The following ZNF285 variants were observed in gnomAD, a reference collection of about 807,000 sequenced individuals.
ZNF285 encodes the protein zinc finger protein 285, also known as zinc finger protein 285A.
Under a neutral mutation model 6.2 loss-of-function variants are expected in ZNF285, and 4 were observed. The observed-to-expected ratio is 0.65, with a 90% CI of 0.32 to 1.49. The LOEUF is 1.49. Ranked by LOEUF, ZNF285 falls within the 40% of genes most tolerant of loss-of-function variation. The pLI is 0.07. For missense variants in ZNF285, 695 were observed against 708.8 expected, an observed-to-expected ratio of 0.98 and a Z score of 0.22; for synonymous variants, 240 against 245.8, an observed-to-expected ratio of 0.98 and a Z score of 0.22.
chr19:44,386,686 C>G lies in ZNF285; in HGVS notation c.1559G>C (p.Gly520Ala). The G allele has an allele frequency of 6.2e-7, 1 of 1,614,064 alleles. No individual in the cohort carries two copies. The change falls in exon 4 of 4, where the codon GGC becomes GCC. Residue 520 changes from glycine to alanine, a missense_variant. Gly to Ala is a moderately conservative substitution (Grantham distance 60). Coordinates refer to ENST00000614994, the MANE Select transcript of ZNF285 (RefSeq NM_152354.6). Reference sequence around the variant, plus strand: ...ATTAAGATCTGAATTCCGGCTGAAGCCTTTACCACACTCATCACATTTATA... The same window carrying G: ...ATTAAGATCTGAATTCCGGCTGAAGGCTTTACCACACTCATCACATTTATA... ...KPYKCDECGK[G>A]FSRNSDLNVH...
chr19:44,387,348 C>G lies in ZNF285; in HGVS notation c.897G>C (p.Gln299His). 6.2e-7 allele frequency: 1 copy of G among 1,614,170 alleles called. No homozygotes were observed. The highest frequency in any genetic ancestry group is 1.1e-5 in the South Asian group (1 of 91,082). Reference protein sequence around the residue: ...EFHEWPMGCKQSSDLPRYQKV... With the variant: ...EFHEWPMGCKHSSDLPRYQKV... Reference sequence around the variant, plus strand: ...TCTGATATCTGGGAAGGTCTGAGCTCTGTTTGCAGCCCATAGGCCATTCGT... The same window carrying G: ...TCTGATATCTGGGAAGGTCTGAGCTGTGTTTGCAGCCCATAGGCCATTCGT... The change falls in exon 4 of 4, where the codon CAG becomes CAC. Residue 299 changes from glutamine (Q) to histidine (H), a missense_variant. By Grantham distance (24) the Gln-to-His change is conservative (BLOSUM62 0). Transcript: ENST00000614994.
At position 44,383,747 on chromosome 19, in the gene ZNF285, T is replaced by C. The variant is rs1357564119; in HGVS notation, c.*2725A>G. ...TTACGCTTTTATCAAATCATTGGAT[T>C]TGACATGCTCATATTTATTTAGGAT... On this transcript the variant is annotated 3_prime_UTR_variant, in exon 4 of 4. Transcript: ENST00000614994. The C allele has an allele frequency of 1.3e-5, 2 of 152,202 alleles. No homozygotes were observed. The highest frequency in any genetic ancestry group is 2.4e-5 in the African/African-American group (1 of 41,440). 9.4% of individuals were successfully genotyped at this position (152,202 alleles called of 1,614,324 possible).
chr19:44,385,543 T>C lies in ZNF285; in HGVS notation c.*929A>G, dbSNP rs1345256572. On this transcript the variant is annotated 3_prime_UTR_variant, in exon 4 of 4. Coordinates refer to ENST00000614994, the MANE Select transcript of ZNF285 (RefSeq NM_152354.6). ...CTCTGAATTATGTTACTTCTGTATG[T>C]GGACTCCAATGACAATGAAACATAT... 6.6e-6 allele frequency: 1 copy of C among 152,226 alleles called. No homozygotes were observed. Among genetic ancestry groups the C allele is most frequent in the Non-Finnish European group, 1.5e-5 (1 of 68,040 alleles). The allele number at this position is 152,226 out of a possible 1,614,324, so 9.4% of individuals were successfully genotyped here.
intron 1 of ZNF285, among the ~76,000 whole-genome samples, chr19:44,401,153 C>G (rs776495653): frequency 6.6e-6 from 1 of 152,086 alleles, no homozygotes; most frequent in Non-Finnish European, 1.5e-5. Flanking sequence ...GCTGCTTAAG[C>G]AAATCCCTCA....
At chr19:44,399,370 G>A (rs1405445427) in intron 1 of ZNF285, among the ~76,000 whole-genome samples, 1 of 132,716 alleles carries the variant, frequency 7.5e-6, no homozygotes, top group African/African-American at 3.5e-5. Context: ...CCTTTCCCCT[G>A]TCAAAAAACT....
intron 2 of ZNF285, among the ~76,000 whole-genome samples, chr19:44,395,198 C>T (rs949387420): frequency 6.6e-6 from 1 of 152,090 alleles, no homozygotes; most frequent in African/African-American, 2.4e-5. Context: ...ATGCAAAAAT[C>T]TTTAAATCTT....
At position 44,399,514 on chromosome 19, in the gene ZNF285, G is replaced by A. The variant is rs994539284; in HGVS notation, c.-44+2054C>T. ...ACAAATGCACAAATAGAATTGGCTT[G>A]GATATTATACATTAGATGCACGTGC... On this transcript the variant is annotated intron_variant, in intron 1 of 3. Transcript: ENST00000614994. Among the ~76,000 whole-genome samples, 351 of 150,056 alleles carry A rather than the reference G, an allele frequency of 2.3e-3. 4 individuals carry two copies. The highest frequency in any genetic ancestry group is 8.6e-3 in the African/African-American group (342 of 39,922).
intron 1 of ZNF285, among the ~76,000 whole-genome samples, chr19:44,401,267 G>A (rs1367233298): frequency 6.6e-6 from 1 of 152,064 alleles, no homozygotes; most frequent in Non-Finnish European, 1.5e-5. Context: ...CCTAAGCTTC[G>A]ACCCGAGGAG....
At chr19:44,397,651 G>C (rs147764727) in intron 1 of ZNF285, among the ~76,000 whole-genome samples, 92 of 152,218 alleles carry the variant, frequency 6.0e-4, no homozygotes, top group African/African-American at 2.1e-3. Flanking sequence ...TTGGGAACCC[G>C]AGACGGGTGG....
At position 44,383,682 on chromosome 19, in the gene ZNF285, G is replaced by C. The variant is rs1490710739; in HGVS notation, c.*2790C>G. On this transcript the variant is annotated 3_prime_UTR_variant, in exon 4 of 4. Transcript: ENST00000614994. ...TTGTGTGTGTTATGAGGCAGAAGCT[G>C]ATAAGCATATTTAGGATAAATTATA... is the stretch of plus-strand genomic sequence containing the variant. The C allele has an allele frequency of 3.9e-5, 6 of 152,142 alleles. No individual in the cohort carries two copies. The highest frequency in any genetic ancestry group is 7.4e-5 in the Non-Finnish European group (5 of 68,016). 9.4% of individuals were successfully genotyped at this position (152,142 alleles called of 1,614,324 possible).
At chr19:44,401,214 C>T (rs112351719) in intron 1 of ZNF285, among the ~76,000 whole-genome samples, 6 of 152,130 alleles carry the variant, frequency 3.9e-5, no homozygotes, top group Admixed American at 2.6e-4. Flanking sequence ...CCTGAGCCAG[C>T]GCCCCTCTGC....
chr19:44,396,564 G>T (rs2571135), intron 2 of ZNF285: 16,616 of 152,398 alleles, frequency 0.11, 1,588 homozygotes, highest in East Asian at 0.42. Flanking sequence ...GGTCTTATGA[G>T]CAGAGCTGAG....
At position 44,388,117 on chromosome 19, in the gene ZNF285, A is replaced by G; in HGVS notation, c.143-15T>C. 6.2e-7 allele frequency: 1 copy of G among 1,602,580 alleles called. No homozygotes were observed. Among genetic ancestry groups the G allele is most frequent in the Non-Finnish European group, 8.5e-7 (1 of 1,174,408 alleles). The stretch of plus-strand genomic sequence containing the variant: ...AATCCCGTCTCCTAGGAGAAGAAAG[A>G]GAATTTGGCTAAGAGAACAAGTCAA... On this transcript the variant is annotated splice_polypyrimidine_tract_variant and intron_variant, in intron 3 of 3. Coordinates refer to ENST00000614994, the MANE Select transcript of ZNF285 (RefSeq NM_152354.6).
rs1178817242 is a variant in ZNF285 at position 44,382,342 on chromosome 19, G to A, written c.*4130C>T. 3 of 131,876 alleles carry A rather than the reference G, an allele frequency of 2.3e-5. No homozygotes were observed. The highest frequency in any genetic ancestry group is 4.6e-5 in the Non-Finnish European group (3 of 64,896). The allele number at this position is 131,876 out of a possible 1,614,324, so 8.2% of individuals were successfully genotyped here. On this transcript the variant is annotated 3_prime_UTR_variant, in exon 4 of 4. Transcript: ENST00000614994. ...GAGACAGAGTCTTGCCCTGTCGCCTGGGCTGGAGTGCAGTGGTGCGATCTT... is the reference window on the plus strand; with the variant it reads ...GAGACAGAGTCTTGCCCTGTCGCCTAGGCTGGAGTGCAGTGGTGCGATCTT...
intron 1 of ZNF285, 43 bp from the exon 2 acceptor site, chr19:44,397,299 T>C (rs991521242): frequency 6.2e-7 from 1 of 1,606,776 alleles, no homozygotes; most frequent in African/African-American, 1.3e-5. Flanking sequence ...GTTCAACAAG[T>C]TGTGAATGAA....
intron 1 of ZNF285, among the ~76,000 whole-genome samples, chr19:44,397,887 A>G (rs1472016557): frequency 4.7e-5 from 7 of 148,818 alleles, no homozygotes; most frequent in Non-Finnish European, 1.0e-4. Flanking sequence ...CAAAAGAGAA[A>G]AAAAAAAAAA....
Position 44,386,450 on chromosome 19 carries a change from A to T in ZNF285, c.*22T>A. ...ATACAGTGTGGCTTCTGTTTTACTA[A>T]TTGAACCCTGACTTACTACATTTAT... On this transcript the variant is annotated 3_prime_UTR_variant, in exon 4 of 4. Coordinates refer to ENST00000614994, the MANE Select transcript of ZNF285 (RefSeq NM_152354.6). 1 of 1,598,816 alleles carries T rather than the reference A, an allele frequency of 6.3e-7. No individual in the cohort carries two copies. The highest frequency in any genetic ancestry group is 1.7e-5 in the Admixed American group (1 of 59,228).
chr19:44,384,555 C>A lies in ZNF285; in HGVS notation c.*1917G>T, dbSNP rs1971042107. On this transcript the variant is annotated 3_prime_UTR_variant, in exon 4 of 4. Coordinates refer to ENST00000614994, the MANE Select transcript of ZNF285 (RefSeq NM_152354.6). ...CACTTCAGGGATGGTTTTATTTGCA[C>A]TTGAATGGCTGTTCTGTTTACAAAC... 2.0e-5 allele frequency: 3 copies of A among 152,226 alleles called. No individual in the cohort carries two copies. The highest frequency in any genetic ancestry group is 2.9e-5 in the Non-Finnish European group (2 of 68,022). The allele number at this position is 152,226 out of a possible 1,614,324, so 9.4% of individuals were successfully genotyped here. A position where few individuals can be genotyped will look rare whatever the true frequency, so the allele number is the denominator to read the frequency against.
At chr19:44,393,356 T>C (rs1482240391) in intron 2 of ZNF285, among the ~76,000 whole-genome samples, 1 of 152,174 alleles carries the variant, frequency 6.6e-6, no homozygotes, top group Admixed American at 6.5e-5. Context: ...TTTCTCAAAA[T>C]AAAAGGATGC....
Sources: allele counts gnomAD v4.1 joint callset (sites outside exome capture counted in the v4.1 genomes callset), GRCh38; gene constraint gnomAD v4.1.1; transcripts MANE v1.5; gene names NCBI Gene and HGNC (gene_info 2026-07-23, HGNC 2026-07-21).